SBF2: variants seen among roughly 807,000 people sequenced by gnomAD.
SBF2 encodes the protein SET binding factor 2, also known as myotubularin-related protein 13.
In SBF2, 112 loss-of-function variants were observed where a neutral mutation model predicts 225.2. The ratio of observed to expected loss-of-function variants is 0.50; its 90% CI spans 0.43 to 0.58. SBF2 has a LOEUF of 0.58. Among genes scored for constraint, SBF2 ranks in the 20% least tolerant of loss-of-function variants. The pLI is 0.00. For missense variants in SBF2, 1,996 were observed against 2,206.2 expected, an observed-to-expected ratio of 0.90 and a Z score of 1.91; for synonymous variants, 763 against 773.3, an observed-to-expected ratio of 0.99 and a Z score of 0.22.
At chr11:10,164,951 CA>C (rs1164771194) in intron 2 of SBF2, 2 of 152,204 alleles carry the variant, frequency 1.3e-5, no homozygotes, top group Non-Finnish European at 2.9e-5. Flanking sequence ...TCATCTATTC[CA>C]AACCAGATAG....
At chr11:10,047,026 T>C (rs1323027921) in intron 2 of SBF2, among the ~76,000 whole-genome samples, 1 of 152,102 alleles carries the variant, frequency 6.6e-6, no homozygotes, top group African/African-American at 2.4e-5. Context: ...CCATTTACAT[T>C]AGCACTCCAC....
chr11:9,807,689 C>T (rs1853930065), intron 32 of SBF2, among the ~76,000 whole-genome samples: 1 of 152,222 alleles, frequency 6.6e-6, no homozygotes. Flanking sequence ...ACCCGTATTA[C>T]CTAGAGATTT....
At chr11:9,821,317 A>C (rs1470787778) in intron 28 of SBF2, among the ~76,000 whole-genome samples, 1 of 152,180 alleles carries the variant, frequency 6.6e-6, no homozygotes, top group African/African-American at 2.4e-5. Flanking sequence ...CAACCCAATT[A>C]TTTGCACTGA....
chr11:10,262,230 G>C (rs770861387), intron 1 of SBF2, among the ~76,000 whole-genome samples: 4 of 152,094 alleles, frequency 2.6e-5, no homozygotes, highest in Non-Finnish European at 4.4e-5. Flanking sequence ...GGATGATATA[G>C]GAATCAACAG....
intron 14 of SBF2, among the ~76,000 whole-genome samples, chr11:9,967,947 G>GTCTGTCTGTC (rs57976016): frequency 2.4e-4 from 24 of 100,250 alleles, no homozygotes; most frequent in African/African-American, 8.4e-4. Flanking sequence ...CTGTCTGTCT[G>GTCTGTCTGTC]TCTCTCTCTC....
intron 1 of SBF2, among the ~76,000 whole-genome samples, chr11:10,197,568 G>C (rs1957424008): frequency 6.6e-6 from 1 of 152,222 alleles, no homozygotes; most frequent in South Asian, 2.1e-4. Flanking sequence ...GCTGCTAACT[G>C]ATCAGGGTGG....
intron 1 of SBF2, among the ~76,000 whole-genome samples, chr11:10,216,857 G>A (rs1343956920): frequency 6.6e-6 from 1 of 152,042 alleles, no homozygotes; most frequent in African/African-American, 2.4e-5. Flanking sequence ...GTGGCAAAAG[G>A]AGAATCTGTC....
At chr11:9,909,182 T>C (rs188866714) in intron 16 of SBF2, among the ~76,000 whole-genome samples, 13 of 152,320 alleles carry the variant, frequency 8.5e-5, no homozygotes, top group Admixed American at 7.2e-4. Context: ...AGTATTAGTA[T>C]AGTGATTCCT....
intron 2 of SBF2, among the ~76,000 whole-genome samples, chr11:10,107,747 G>T (rs538850356): frequency 1.3e-5 from 2 of 152,176 alleles, no homozygotes; most frequent in South Asian, 2.1e-4. Context: ...CTCTTCTAAG[G>T]ATATTTGACA....
chr11:10,071,263 C>CTTTTTTT (rs774979361), intron 2 of SBF2, among the ~76,000 whole-genome samples: 14 of 124,956 alleles, frequency 1.1e-4, no homozygotes, highest in Admixed American at 2.0e-4. Flanking sequence ...TTCTCTCTCT[C>CTTTTTTT]TCTTTTTTTT....
intron 2 of SBF2, among the ~76,000 whole-genome samples, chr11:10,187,798 T>G (rs2135309851): frequency 6.6e-6 from 1 of 152,290 alleles, no homozygotes; most frequent in East Asian, 1.9e-4. Flanking sequence ...GATTTCCAGG[T>G]ATATCTATTA....
intron 2 of SBF2, among the ~76,000 whole-genome samples, chr11:10,132,547 TG>T (rs1172440875): frequency 6.8e-6 from 1 of 147,698 alleles, no homozygotes; most frequent in Non-Finnish European, 1.5e-5. Context: ...GCAGCGCGTC[TG>T]GAGTTGTTCG....
intron 2 of SBF2, among the ~76,000 whole-genome samples, chr11:10,170,903 A>G (rs186517720): frequency 6.6e-6 from 1 of 152,062 alleles, no homozygotes; most frequent in African/African-American, 2.4e-5. Flanking sequence ...ATCTGTAGCT[A>G]CTGTAAATGA....
At chr11:9,821,247 G>C (rs1191921100) in intron 28 of SBF2, among the ~76,000 whole-genome samples, 3 of 152,104 alleles carry the variant, frequency 2.0e-5, no homozygotes, top group Non-Finnish European at 4.4e-5. Context: ...AGAATTTGTT[G>C]ATTATTTACT....
At chr11:9,972,843 T>C (rs1274450871) in intron 13 of SBF2, among the ~76,000 whole-genome samples, 2 of 152,172 alleles carry the variant, frequency 1.3e-5, no homozygotes, top group African/African-American at 4.8e-5. Flanking sequence ...ACCAAATCCA[T>C]ACACAATTTA....
intron 2 of SBF2, among the ~76,000 whole-genome samples, chr11:10,065,252 G>A (rs1337236349): frequency 6.6e-6 from 1 of 152,052 alleles, no homozygotes; most frequent in East Asian, 1.9e-4. Context: ...AAAATTTGTA[G>A]GATGCTACTA....
At chr11:10,145,739 A>G (rs57428208) in intron 2 of SBF2, among the ~76,000 whole-genome samples, 1,685 of 152,270 alleles carry the variant, frequency 0.011, 37 homozygotes, top group African/African-American at 0.038. Context: ...GCTCTATACT[A>G]ATGTCACAAA....
intron 1 of SBF2, among the ~76,000 whole-genome samples, chr11:10,285,294 A>T (rs1963678622): frequency 6.6e-6 from 1 of 151,814 alleles, no homozygotes; most frequent in Non-Finnish European, 1.5e-5. Context: ...TGGTCAACAG[A>T]GTGAGACGAA....
intron 17 of SBF2, among the ~76,000 whole-genome samples, chr11:9,872,023 T>C (rs1189713421): frequency 6.6e-6 from 1 of 152,206 alleles, no homozygotes; most frequent in East Asian, 1.9e-4. Flanking sequence ...TGCATGCATA[T>C]GTTCATTGCA....
Sources: gnomAD v4.1 joint callset for allele counts (sites outside exome capture counted in the v4.1 genomes callset) on GRCh38, gnomAD v4.1.1 for gene constraint, MANE v1.5 for transcripts, NCBI Gene and HGNC (gene_info 2026-07-23, HGNC 2026-07-21) for gene names.